The following STPG2 variants were observed in gnomAD, a reference collection of about 807,000 sequenced individuals.
STPG2 encodes sperm-tail PG-rich repeat-containing protein 2.
Under a neutral mutation model 54.2 loss-of-function variants are expected in STPG2, and 56 were observed. The ratio of observed to expected loss-of-function variants is 1.03; its 90% CI spans 0.83 to 1.29. STPG2 has a LOEUF of 1.29. STPG2 is among the 50% of genes most tolerant of loss of function. The probability of loss-of-function intolerance (pLI) is 0.00; values close to 1 mark genes in which losing one functional copy is unlikely to be tolerated. For missense variants in STPG2, 596 were observed against 544.9 expected (o/e 1.09, Z -0.93); for synonymous variants, 200 against 181.8 (o/e 1.10, Z -0.81).
intron 5 of STPG2, among the ~76,000 whole-genome samples, chr4:98,023,451 G>A (rs542453943): frequency 3.3e-5 from 5 of 152,330 alleles, no homozygotes; most frequent in Non-Finnish European, 5.9e-5. Flanking sequence ...CCTACTGGGG[G>A]TGCCTCCCAG....
intron 10 of STPG2, among the ~76,000 whole-genome samples, chr4:97,602,546 TTACTC>T (rs1414749492): frequency 6.6e-6 from 1 of 151,814 alleles, no homozygotes; most frequent in African/African-American, 2.4e-5. Flanking sequence ...AATACAATGT[TTACTC>T]TATGTTTTTG....
intron 4 of STPG2, among the ~76,000 whole-genome samples, chr4:97,511,165 C>G (rs992037461): frequency 6.6e-6 from 1 of 151,802 alleles, no homozygotes; most frequent in African/African-American, 2.4e-5. Context: ...AACAGAGACA[C>G]TATCAGAATA....
chr4:97,737,048 T>G (rs1446533387), intron 9 of STPG2, among the ~76,000 whole-genome samples: 1 of 152,032 alleles, frequency 6.6e-6, no homozygotes, highest in African/African-American at 2.4e-5. Context: ...GCATTCGCGG[T>G]TCACAAAAAT....
chr4:97,740,474 G>A lies in STPG2; in HGVS notation c.1205-27660C>T, dbSNP rs550496379. ...ATATCTAGAAAACCCCATTGTCTCAGCCCAAAATCTCCTTAAGCTGATAAG... is the reference window on the plus strand; with the variant it reads ...ATATCTAGAAAACCCCATTGTCTCAACCCAAAATCTCCTTAAGCTGATAAG... On this transcript the variant is annotated intron_variant, in intron 9 of 10. Transcript: ENST00000295268. Among the ~76,000 whole-genome samples the A allele has an allele frequency of 4.2e-3, 642 of 152,140 alleles. 3 individuals carry two copies. Among genetic ancestry groups the A allele is most frequent in the South Asian group, 0.024 (117 of 4,816 alleles).
At chr4:97,901,095 T>A (rs1731160323) in intron 8 of STPG2, among the ~76,000 whole-genome samples, 1 of 151,950 alleles carries the variant, frequency 6.6e-6, no homozygotes. Context: ...AAAACTTACA[T>A]AAGTATATGG....
At chr4:97,598,529 C>T (rs567422000) in intron 10 of STPG2, among the ~76,000 whole-genome samples, 63 of 150,578 alleles carry the variant, frequency 4.2e-4, no homozygotes, top group African/African-American at 1.5e-3. Flanking sequence ...TACAAGACTA[C>T]AGTAGCCCAA....
chr4:97,769,302 T>C (rs1479931513), intron 9 of STPG2, among the ~76,000 whole-genome samples: 1 of 152,096 alleles, frequency 6.6e-6, no homozygotes, highest in African/African-American at 2.4e-5. Context: ...GGAGTACATA[T>C]AAGTGTTCCA....
chr4:98,046,652 G>A (rs1241243118), intron 5 of STPG2, among the ~76,000 whole-genome samples: 2 of 152,182 alleles, frequency 1.3e-5, no homozygotes, highest in Non-Finnish European at 2.9e-5. Flanking sequence ...AAGTTGAGGA[G>A]TTAGACATGT....
At chr4:97,744,674 T>C (rs1243897727) in intron 9 of STPG2, among the ~76,000 whole-genome samples, 1 of 151,280 alleles carries the variant, frequency 6.6e-6, no homozygotes, top group African/African-American at 2.4e-5. Context: ...GTTTAATTTA[T>C]AAATTGGCAC....
At chr4:97,622,056 C>G (rs985271210) in intron 10 of STPG2, among the ~76,000 whole-genome samples, 1 of 152,026 alleles carries the variant, frequency 6.6e-6, no homozygotes, top group African/African-American at 2.4e-5. Flanking sequence ...AGGCAGAAAA[C>G]AGTTACAATA....
intron 9 of STPG2, among the ~76,000 whole-genome samples, chr4:97,779,465 T>C (rs1357072285): frequency 6.6e-6 from 1 of 152,170 alleles, no homozygotes; most frequent in Non-Finnish European, 1.5e-5. Flanking sequence ...TCGGTGTACC[T>C]GAAAGTGATG....
intron 9 of STPG2, among the ~76,000 whole-genome samples, chr4:97,731,140 T>A (rs1018131561): frequency 2.0e-5 from 3 of 152,212 alleles, no homozygotes; most frequent in African/African-American, 7.2e-5. Flanking sequence ...TGTTCCTCTA[T>A]CATTTTCAAG....
chr4:97,611,823 A>G (rs1435050990), intron 10 of STPG2, among the ~76,000 whole-genome samples: 2 of 151,948 alleles, frequency 1.3e-5, no homozygotes, highest in East Asian at 3.9e-4. Context: ...TATGGATTAT[A>G]GTTACATGCA....
chr4:97,932,959 G>A (rs898627647), intron 8 of STPG2, among the ~76,000 whole-genome samples: 1 of 152,148 alleles, frequency 6.6e-6, no homozygotes, highest in Non-Finnish European at 1.5e-5. Flanking sequence ...TTCCACAATG[G>A]TTGAACTAAT....
intron 8 of STPG2, among the ~76,000 whole-genome samples, chr4:97,876,259 C>A (rs138188783): frequency 6.6e-6 from 1 of 152,140 alleles, no homozygotes; most frequent in East Asian, 1.9e-4. Context: ...CGTGTATTTA[C>A]AATGCACATT....
At chr4:97,831,683 G>T (rs1728468870) in intron 9 of STPG2, among the ~76,000 whole-genome samples, 1 of 151,976 alleles carries the variant, frequency 6.6e-6, no homozygotes, top group Non-Finnish European at 1.5e-5. Flanking sequence ...AATGATAAAG[G>T]GGATATCACC....
chr4:97,678,491 C>A (rs978382665), intron 10 of STPG2, among the ~76,000 whole-genome samples: 3 of 152,018 alleles, frequency 2.0e-5, no homozygotes, highest in Non-Finnish European at 4.4e-5. Flanking sequence ...AAGTATTAAA[C>A]AATGTAATCA....
chr4:97,671,210 A>G (rs1722685268), intron 10 of STPG2, among the ~76,000 whole-genome samples: 1 of 152,222 alleles, frequency 6.6e-6, no homozygotes, highest in Non-Finnish European at 1.5e-5. Flanking sequence ...TTCCACTAGA[A>G]AAGCAAATAA....
intron 4 of STPG2, among the ~76,000 whole-genome samples, chr4:97,486,441 G>A (rs1730360929): frequency 6.6e-6 from 1 of 151,818 alleles, no homozygotes; most frequent in South Asian, 2.1e-4. Context: ...AATGATCAGG[G>A]AAATGCATAT....
Sources: allele counts gnomAD v4.1 joint callset (sites outside exome capture counted in the v4.1 genomes callset), GRCh38; gene constraint gnomAD v4.1.1; transcripts MANE v1.5; gene names NCBI Gene and HGNC (gene_info 2026-07-23, HGNC 2026-07-21).